Variants in WDR70 observed in about 807,000 individuals in gnomAD.
WDR70 encodes the protein WD repeat-containing protein 70.
In WDR70, 53 loss-of-function variants were observed where a neutral mutation model predicts 88.6. The ratio of observed to expected loss-of-function variants is 0.60; its 90% CI spans 0.48 to 0.75. The LOEUF (loss-of-function observed/expected upper bound fraction) is 0.75. Ranked by LOEUF, WDR70 falls within the 30% of genes least tolerant of loss-of-function variation. The pLI is 0.00. For missense variants in WDR70, 610 were observed against 823.2 expected (o/e 0.74, Z 3.17); for synonymous variants, 280 against 270.0 (o/e 1.04, Z -0.36).
At chr5:37,521,430 C>T (rs747146956) in intron 9 of WDR70, among the ~76,000 whole-genome samples, 15 of 152,058 alleles carry the variant, frequency 9.9e-5, no homozygotes, top group Non-Finnish European at 1.9e-4. Flanking sequence ...GATTTTGGTG[C>T]ACCCATTATC....
intron 7 of WDR70, among the ~76,000 whole-genome samples, chr5:37,470,829 A>G (rs544456210): frequency 2.0e-5 from 3 of 151,776 alleles, no homozygotes; most frequent in Admixed American, 6.6e-5. Context: ...TGTTGGGTAT[A>G]TACTTGGTAG....
At chr5:37,588,808 G>C (rs1333997273) in intron 9 of WDR70, among the ~76,000 whole-genome samples, 1 of 151,894 alleles carries the variant, frequency 6.6e-6, no homozygotes, top group Non-Finnish European at 1.5e-5. Flanking sequence ...CTGTCACCCA[G>C]GTTAGAGTGC....
intron 5 of WDR70, among the ~76,000 whole-genome samples, chr5:37,412,376 A>G (rs1446328962): frequency 6.6e-6 from 1 of 152,158 alleles, no homozygotes; most frequent in African/African-American, 2.4e-5. Context: ...GACAAGAGTG[A>G]GACTCCATCT....
chr5:37,384,821 C>G (rs1748555222), intron 3 of WDR70, among the ~76,000 whole-genome samples: 1 of 151,960 alleles, frequency 6.6e-6, no homozygotes, highest in Non-Finnish European at 1.5e-5. Flanking sequence ...GGAGTTTTCC[C>G]CCACACATCA....
intron 17 of WDR70, among the ~76,000 whole-genome samples, chr5:37,735,320 A>G (rs754553479): frequency 6.6e-6 from 1 of 152,180 alleles, no homozygotes; most frequent in Non-Finnish European, 1.5e-5. Context: ...ATGTTTACAA[A>G]TGAATTCGTG....
chr5:37,715,384 G>C (rs1267450003), intron 13 of WDR70, among the ~76,000 whole-genome samples: 1 of 151,168 alleles, frequency 6.6e-6, no homozygotes, highest in Admixed American at 6.6e-5. Context: ...CTGGCCCATG[G>C]TAGAATTTCC....
rs1316765974 is a variant in WDR70 at position 37,560,613 on chromosome 5, C to T, written c.917+44023C>T. On this transcript the variant is annotated intron_variant, in intron 9 of 17. Transcript: ENST00000265107. ...ACCATAATTTCTTCAAGTTATGCAA[C>T]TGCATATTCCAAATTATAAATGAGC... Among the ~76,000 whole-genome samples the T allele has an allele frequency of 5.3e-5, 8 of 152,086 alleles. No homozygotes were observed. The East Asian group carries it at 1.5e-3, about 29-fold the overall frequency.
intron 7 of WDR70, among the ~76,000 whole-genome samples, chr5:37,454,997 T>C (rs1174361203): frequency 6.6e-6 from 1 of 152,220 alleles, no homozygotes; most frequent in African/African-American, 2.4e-5. Flanking sequence ...TTAAATGAAA[T>C]AATGTATATT....
intron 8 of WDR70, among the ~76,000 whole-genome samples, chr5:37,482,517 G>T (rs544752850): frequency 6.6e-6 from 1 of 152,250 alleles, no homozygotes. Flanking sequence ...AGAACAGTAT[G>T]GGGGGAACCG....
chr5:37,612,976 T>C (rs569011498), intron 10 of WDR70, among the ~76,000 whole-genome samples: 2 of 152,230 alleles, frequency 1.3e-5, no homozygotes, highest in Non-Finnish European at 2.9e-5. Flanking sequence ...TGCAAATTAC[T>C]TGCAGGCACT....
intron 9 of WDR70, among the ~76,000 whole-genome samples, chr5:37,520,621 A>C (rs141055654): frequency 6.6e-6 from 1 of 152,134 alleles, no homozygotes; most frequent in Non-Finnish European, 1.5e-5. Flanking sequence ...GGATGTAAGG[A>C]TATTTTACCA....
chr5:37,561,154 A>G (rs1320126454), intron 9 of WDR70, among the ~76,000 whole-genome samples: 1 of 152,186 alleles, frequency 6.6e-6, no homozygotes, highest in Non-Finnish European at 1.5e-5. Flanking sequence ...GATGACTGTG[A>G]TTGGCTATTA....
intron 10 of WDR70, among the ~76,000 whole-genome samples, chr5:37,678,948 T>C (rs1353171222): frequency 1.4e-4 from 22 of 152,348 alleles, no homozygotes; most frequent in African/African-American, 4.1e-4. Context: ...TTCTTTTTTC[T>C]CTAAACTTCC....
At chr5:37,437,834 A>T in intron 5 of WDR70, 88 bp from the exon 6 acceptor site, 1 of 1,316,712 alleles carries the variant, frequency 7.6e-7, no homozygotes. Flanking sequence ...TGCAATTTTA[A>T]AAAATTGTAT....
chr5:37,418,171 TATG>T (rs1408427701), intron 5 of WDR70, among the ~76,000 whole-genome samples: 1 of 152,202 alleles, frequency 6.6e-6, no homozygotes, highest in Admixed American at 6.5e-5. Context: ...TTTACTATAT[TATG>T]AGATTTGTTA....
At chr5:37,445,808 T>G (rs1192659829) in intron 7 of WDR70, among the ~76,000 whole-genome samples, 1 of 152,092 alleles carries the variant, frequency 6.6e-6, no homozygotes, top group Non-Finnish European at 1.5e-5. Flanking sequence ...TAAGAGCTAT[T>G]TATGAGAAAC....
At chr5:37,395,287 T>C (rs571834267) in intron 4 of WDR70, among the ~76,000 whole-genome samples, 29 of 152,284 alleles carry the variant, frequency 1.9e-4, no homozygotes, top group African/African-American at 6.7e-4. Flanking sequence ...AGGAAACCAC[T>C]TGGGAATCAG....
intron 10 of WDR70, among the ~76,000 whole-genome samples, chr5:37,666,352 C>A (rs74362472): frequency 0.014 from 2,208 of 152,280 alleles, 54 homozygotes; most frequent in African/African-American, 0.05. Context: ...AGATCTACAG[C>A]AGCGAGTGTG....
At chr5:37,473,894 C>T (rs578084006) in intron 7 of WDR70, among the ~76,000 whole-genome samples, 2 of 152,116 alleles carry the variant, frequency 1.3e-5, no homozygotes, top group South Asian at 2.1e-4. Context: ...TTTGCTGTTT[C>T]CAGCTTTTGG....
Sources: gnomAD v4.1 joint callset for allele counts (sites outside exome capture counted in the v4.1 genomes callset) on GRCh38, gnomAD v4.1.1 for gene constraint, MANE v1.5 for transcripts, NCBI Gene and HGNC (gene_info 2026-07-23, HGNC 2026-07-21) for gene names.